PTPRD: variants seen among roughly 807,000 people sequenced by gnomAD.
The protein encoded by PTPRD is protein tyrosine phosphatase receptor type D, also known as receptor-type tyrosine-protein phosphatase delta.
Under a neutral mutation model 214.5 loss-of-function variants are expected in PTPRD, and 34 were observed. The observed-to-expected ratio is 0.16, with a 90% CI of 0.12 to 0.21. PTPRD has a LOEUF of 0.21. Ranked by LOEUF, PTPRD falls within the 10% of genes least tolerant of loss-of-function variation. The probability of loss-of-function intolerance (pLI) is 1.00; values close to 1 mark genes in which losing one functional copy is unlikely to be tolerated. For synonymous variants in PTPRD, 1,128 were observed against 845.7 expected (o/e 1.33, Z -5.79); for missense variants, 2,545 against 2,398.7 (o/e 1.06, Z -1.27).
intron 44 of PTPRD, among the ~76,000 whole-genome samples, chr9:8,331,102 A>AT (rs61232380): frequency 0.26 from 38,856 of 151,872 alleles, 7,284 homozygotes; most frequent in African/African-American, 0.51. Flanking sequence ...TATAGCAACA[A>AT]TTTTCAAGCA....
chr9:9,898,826 C>T (rs147612750), intron 5 of PTPRD, among the ~76,000 whole-genome samples: 208 of 152,116 alleles, frequency 1.4e-3, no homozygotes, highest in African/African-American at 4.8e-3. Context: ...TTTAAAAAGA[C>T]GTATGTTAGT....
intron 11 of PTPRD, among the ~76,000 whole-genome samples, chr9:8,884,639 C>T (rs1218325203): frequency 1.3e-5 from 2 of 152,130 alleles, no homozygotes; most frequent in African/African-American, 4.8e-5. Flanking sequence ...GGAAATATAG[C>T]TAGTTGACTT....
intron 14 of PTPRD, among the ~76,000 whole-genome samples, chr9:8,585,351 G>C (rs1028382220): frequency 6.6e-6 from 1 of 152,160 alleles, no homozygotes; most frequent in Non-Finnish European, 1.5e-5. Flanking sequence ...TCCTGGGTCA[G>C]TTTCCTGATG....
chr9:8,318,411 TCTGAA>T (rs1165483176), intron 45 of PTPRD, among the ~76,000 whole-genome samples: 1 of 152,072 alleles, frequency 6.6e-6, no homozygotes, highest in Admixed American at 6.6e-5. Context: ...TTACTTATCT[TCTGAA>T]CTACTGCCAA....
chr9:9,639,884 C>T (rs2095880566), intron 7 of PTPRD, among the ~76,000 whole-genome samples: 1 of 152,044 alleles, frequency 6.6e-6, no homozygotes, highest in Non-Finnish European at 1.5e-5. Context: ...AGAGAAAGAA[C>T]ATTATTTCTT....
intron 3 of PTPRD, among the ~76,000 whole-genome samples, chr9:10,241,525 A>G (rs1319989373): frequency 1.3e-5 from 2 of 152,000 alleles, no homozygotes; most frequent in Non-Finnish European, 2.9e-5. Context: ...AACAAAAAGT[A>G]ACAAACTATT....
At chr9:9,879,447 A>G (rs950433760) in intron 5 of PTPRD, among the ~76,000 whole-genome samples, 1 of 152,238 alleles carries the variant, frequency 6.6e-6, no homozygotes, top group Non-Finnish European at 1.5e-5. Context: ...ACAACATTCC[A>G]TTCAAAATAG....
intron 11 of PTPRD, among the ~76,000 whole-genome samples, chr9:8,885,893 AT>A (rs1362964528): frequency 6.6e-6 from 1 of 152,104 alleles, no homozygotes; most frequent in Non-Finnish European, 1.5e-5. Flanking sequence ...GAGCCAAATT[AT>A]TTCCACGCGC....
At chr9:10,405,620 C>T (rs1253290246) in intron 2 of PTPRD, among the ~76,000 whole-genome samples, 1 of 151,486 alleles carries the variant, frequency 6.6e-6, no homozygotes, top group Non-Finnish European at 1.5e-5. Flanking sequence ...TTAGTTTATA[C>T]TGCGTAAAAA....
At chr9:10,007,539 A>G (rs1416160546) in intron 4 of PTPRD, among the ~76,000 whole-genome samples, 1 of 152,024 alleles carries the variant, frequency 6.6e-6, no homozygotes, top group East Asian at 1.9e-4. Context: ...TAAATTGCAA[A>G]GCATTAAAGA....
intron 5 of PTPRD, among the ~76,000 whole-genome samples, chr9:9,844,865 G>T (rs191020745): frequency 3.3e-5 from 5 of 151,224 alleles, no homozygotes; most frequent in African/African-American, 1.2e-4. Flanking sequence ...TTTATAAACT[G>T]AAAAACAAAT....
intron 43 of PTPRD, among the ~76,000 whole-genome samples, chr9:8,334,252 C>G (rs1163597220): frequency 6.6e-6 from 1 of 152,118 alleles, no homozygotes; most frequent in East Asian, 1.9e-4. Flanking sequence ...CCACATTGCA[C>G]TTATTCTAAC....
At chr9:9,523,867 G>A (rs908037338) in intron 8 of PTPRD, among the ~76,000 whole-genome samples, 2 of 151,958 alleles carry the variant, frequency 1.3e-5, no homozygotes, top group East Asian at 1.9e-4. Flanking sequence ...CCATTACCCC[G>A]TGTCCTTTCT....
At chr9:9,466,229 G>C (rs1164152118) in intron 8 of PTPRD, among the ~76,000 whole-genome samples, 4 of 151,894 alleles carry the variant, frequency 2.6e-5, no homozygotes, top group Non-Finnish European at 2.9e-5. Flanking sequence ...GGATTGCTTG[G>C]GCCTAGGAGG....
Position 9,329,201 on chromosome 9 carries a change from T to C in PTPRD, c.-203+68248A>G, listed in dbSNP as rs377056041. Among the ~76,000 whole-genome samples, 64 of 152,138 alleles carry C rather than the reference T, an allele frequency of 4.2e-4. 1 individual carries two copies. Among genetic ancestry groups the C allele is most frequent in the South Asian group, 2.7e-3 (13 of 4,820 alleles). On this transcript the variant is annotated intron_variant, in intron 9 of 45. Transcript: ENST00000381196. ...TTGACATCACAGAAACAGGATAATA[T>C]GGCTGGCTACTTACTTTTATTGTTT...
intron 10 of PTPRD, among the ~76,000 whole-genome samples, chr9:9,086,690 G>A (rs1363103051): frequency 1.3e-5 from 2 of 152,136 alleles, no homozygotes; most frequent in East Asian, 3.9e-4. Context: ...GGTCCCAGCT[G>A]AAGTGACTAA....
intron 3 of PTPRD, among the ~76,000 whole-genome samples, chr9:10,334,684 A>G (rs529967731): frequency 6.6e-6 from 1 of 151,538 alleles, no homozygotes; most frequent in African/African-American, 2.4e-5. Context: ...AACAACAAAA[A>G]TCTCATGGAA....
intron 9 of PTPRD, among the ~76,000 whole-genome samples, chr9:9,313,037 A>C (rs1380902637): frequency 1.3e-5 from 2 of 152,218 alleles, no homozygotes; most frequent in African/African-American, 4.8e-5. Flanking sequence ...GTGTATATAT[A>C]GCTCACATTT....
Position 9,451,314 on chromosome 9 carries a change from C to A in PTPRD, c.-236-53832G>T, listed in dbSNP as rs1455507668. ...ACAAGGCTATAGGAAAACACTTCAT[C>A]TGTCTTGATTTTAGCATTAAATAGA... On this transcript the variant is annotated intron_variant, in intron 8 of 45. Transcript: ENST00000381196. Among the ~76,000 whole-genome samples the A allele has an allele frequency of 2.0e-5, 3 of 151,844 alleles. No homozygotes were observed. In the East Asian group the frequency reaches 5.8e-4, roughly 29 times the overall value.
Sources: allele counts gnomAD v4.1 joint callset (sites outside exome capture counted in the v4.1 genomes callset), GRCh38; gene constraint gnomAD v4.1.1; transcripts MANE v1.5; gene names NCBI Gene and HGNC (gene_info 2026-07-23, HGNC 2026-07-21).